Variants in SNX30 observed in about 807,000 individuals in gnomAD.
The protein encoded by SNX30 is sorting nexin family member 30, also known as sorting nexin-30.
Under a neutral mutation model 46.4 loss-of-function variants are expected in SNX30, and 24 were observed. The observed-to-expected ratio is 0.52, with a 90% CI of 0.37 to 0.73. SNX30 has a LOEUF of 0.73. Among genes scored for constraint, SNX30 ranks in the 30% least tolerant of loss-of-function variants. The probability of loss-of-function intolerance (pLI) is 0.00; values close to 1 mark genes in which losing one functional copy is unlikely to be tolerated. For missense variants in SNX30, 533 were observed against 555.7 expected, an observed-to-expected ratio of 0.96 and a Z score of 0.41; for synonymous variants, 189 against 211.5, an observed-to-expected ratio of 0.89 and a Z score of 0.92.
chr9:112,878,018 A>G (rs1841536345), downstream of SNX30: 1 of 152,260 alleles, frequency 6.6e-6, no homozygotes, highest in African/African-American at 2.4e-5. Context: ...AAGGCTGGCC[A>G]GTCAGTCTGC....
chr9:112,794,042 C>G (rs1029827425), intron 1 of SNX30, among the ~76,000 whole-genome samples: 4 of 152,160 alleles, frequency 2.6e-5, no homozygotes, highest in Non-Finnish European at 5.9e-5. Flanking sequence ...TTGAACAGAA[C>G]ATTTTTGAGA....
intron 1 of SNX30, among the ~76,000 whole-genome samples, chr9:112,787,587 C>T (rs1489197326): frequency 1.3e-5 from 2 of 151,932 alleles, no homozygotes; most frequent in Non-Finnish European, 2.9e-5. Flanking sequence ...ATTTTTTTCC[C>T]TCCCTAGGTA....
chr9:112,853,952 AG>A (rs933216178), intron 7 of SNX30, among the ~76,000 whole-genome samples: 11 of 152,266 alleles, frequency 7.2e-5, no homozygotes, highest in Non-Finnish European at 1.3e-4. Flanking sequence ...TAGGGAAGGA[AG>A]GAGAACCAAC....
intron 1 of SNX30, among the ~76,000 whole-genome samples, chr9:112,752,821 T>C (rs1305553253): frequency 6.6e-6 from 1 of 152,152 alleles, no homozygotes; most frequent in Non-Finnish European, 1.5e-5. Context: ...AGGCCTTTCT[T>C]GAGGTTGCAG....
intron 4 of SNX30, among the ~76,000 whole-genome samples, chr9:112,833,005 G>A (rs1346236685): frequency 6.6e-6 from 1 of 151,694 alleles, no homozygotes; most frequent in African/African-American, 2.4e-5. Flanking sequence ...AACAAAATGT[G>A]CTAAATGGCC....
intron 8 of SNX30, among the ~76,000 whole-genome samples, chr9:112,865,812 C>CT (rs1476890990): frequency 1.3e-5 from 2 of 150,964 alleles, no homozygotes; most frequent in Non-Finnish European, 2.9e-5. Context: ...GTCAAAAACT[C>CT]TGTTACCCAG....
At chr9:112,755,944 G>A (rs1337603693) in intron 1 of SNX30, among the ~76,000 whole-genome samples, 1 of 152,098 alleles carries the variant, frequency 6.6e-6, no homozygotes, top group Non-Finnish European at 1.5e-5. Context: ...TGGGTCAGGC[G>A]CCTAAACCAG....
intron 1 of SNX30, among the ~76,000 whole-genome samples, chr9:112,784,640 A>G (rs1455421536): frequency 6.6e-6 from 1 of 152,110 alleles, no homozygotes; most frequent in East Asian, 1.9e-4. Context: ...TTTCTCACAC[A>G]TCCCCAGTAA....
chr9:112,842,999 T>C (rs1840883115), intron 6 of SNX30, among the ~76,000 whole-genome samples: 1 of 152,224 alleles, frequency 6.6e-6, no homozygotes. Context: ...ACATAGGATT[T>C]CACATCCTAT....
intron 3 of SNX30, among the ~76,000 whole-genome samples, chr9:112,829,781 G>GTT (rs913108272): frequency 6.7e-6 from 1 of 149,938 alleles, no homozygotes; most frequent in East Asian, 2.0e-4. Context: ...TTTTGTTTTT[G>GTT]TTTTTTTTTA....
At chr9:112,783,317 G>T (rs1370514131) in intron 1 of SNX30, among the ~76,000 whole-genome samples, 1 of 152,160 alleles carries the variant, frequency 6.6e-6, no homozygotes, top group Non-Finnish European at 1.5e-5. Context: ...TTCCTGGTCT[G>T]TAACCTGTTC....
chr9:112,852,811 C>A (rs759927435), intron 7 of SNX30, among the ~76,000 whole-genome samples: 1 of 152,166 alleles, frequency 6.6e-6, no homozygotes, highest in African/African-American at 2.4e-5. Context: ...CAGGGACTTG[C>A]ATTTCAGGGA....
At chr9:112,780,225 A>G (rs1286947686) in intron 1 of SNX30, among the ~76,000 whole-genome samples, 1 of 152,220 alleles carries the variant, frequency 6.6e-6, no homozygotes, top group Non-Finnish European at 1.5e-5. Flanking sequence ...ATGAGCAGGC[A>G]GAATTGGGGT....
chr9:112,832,911 CA>C (rs898040857), intron 4 of SNX30, among the ~76,000 whole-genome samples: 13 of 148,982 alleles, frequency 8.7e-5, no homozygotes, highest in African/African-American at 3.2e-4. Flanking sequence ...CTGCCTTAAT[CA>C]AAATCCGACT....
At chr9:112,774,989 C>T (rs770956402) in intron 1 of SNX30, among the ~76,000 whole-genome samples, 8 of 151,188 alleles carry the variant, frequency 5.3e-5, no homozygotes, top group Non-Finnish European at 1.0e-4. Flanking sequence ...GAATTACAGA[C>T]GTGTGCCACC....
At chr9:112,821,609 C>G (rs1003274167) in intron 3 of SNX30, among the ~76,000 whole-genome samples, 1 of 151,728 alleles carries the variant, frequency 6.6e-6, no homozygotes, top group Non-Finnish European at 1.5e-5. Flanking sequence ...GCCTCAGCCT[C>G]CCTAGTACCT....
At chr9:112,817,875 G>T (rs1840426087) in intron 3 of SNX30, 60 bp downstream of exon 3, 2 of 1,118,454 alleles carry the variant, frequency 1.8e-6, no homozygotes, top group African/African-American at 3.0e-5. Context: ...TTCCTGAAGG[G>T]GTTCACTCAA....
chr9:112,807,292 C>G (rs570681137), intron 2 of SNX30, among the ~76,000 whole-genome samples: 1 of 152,228 alleles, frequency 6.6e-6, no homozygotes, highest in Admixed American at 6.5e-5. Context: ...TCTTGAACTC[C>G]TGGTGTCAGG....
At chr9:112,830,194 T>C (rs959702082) in intron 3 of SNX30, among the ~76,000 whole-genome samples, 3 of 152,184 alleles carry the variant, frequency 2.0e-5, no homozygotes, top group Non-Finnish European at 2.9e-5. Context: ...TAAATAACTT[T>C]TGAGTATAAA....
Sources: allele counts gnomAD v4.1 joint callset (sites outside exome capture counted in the v4.1 genomes callset), GRCh38; gene constraint gnomAD v4.1.1; transcripts MANE v1.5; gene names NCBI Gene and HGNC (gene_info 2026-07-23, HGNC 2026-07-21).